Variants in PEG3 observed in about 807,000 individuals in gnomAD.
The protein encoded by PEG3 is paternally expressed 3.
In PEG3, 23 loss-of-function variants were observed where a neutral mutation model predicts 35.5. The ratio of observed to expected loss-of-function variants is 0.65; its 90% CI spans 0.47 to 0.92. PEG3 has a LOEUF of 0.92. Among genes scored for constraint, PEG3 ranks in the 40% least tolerant of loss-of-function variants. PEG3 has a pLI of 0.00. For synonymous variants in PEG3, 707 were observed against 697.0 expected, an observed-to-expected ratio of 1.01 and a Z score of -0.23; for missense variants, 1,960 against 1,985.3, an observed-to-expected ratio of 0.99 and a Z score of 0.24.
At chr19:56,825,656 C>T (rs183732896) in intron 3 of PEG3, among the ~76,000 whole-genome samples, 6 of 151,978 alleles carry the variant, frequency 3.9e-5, no homozygotes, top group Admixed American at 2.6e-4. Context: ...AATGACTGGT[C>T]AGCACATCTG....
At chr19:56,836,812 T>A (rs938628129) in intron 1 of PEG3, among the ~76,000 whole-genome samples, 4 of 151,744 alleles carry the variant, frequency 2.6e-5, no homozygotes, top group Admixed American at 2.6e-4. Context: ...CTACTAAAAA[T>A]ATAAAATTAG....
Position 56,811,975 on chromosome 19 carries a change from C to A in PEG3, c.*1700G>T, listed in dbSNP as rs1249312349. ...CTCTCAGCTCTACAATCTTCCTAAA[C>A]TTTGACACTCCCTGCATCTTTGACA... On this transcript the variant is annotated 3_prime_UTR_variant, in exon 10 of 10. Transcript: ENST00000326441. The A allele has an allele frequency of 4.1e-6, 4 of 985,292 alleles. No individual in the cohort carries two copies. The highest frequency in any genetic ancestry group is 4.8e-6 in the Non-Finnish European group (4 of 829,948). 61.0% of individuals were successfully genotyped at this position (985,292 alleles called of 1,614,324 possible).
chr19:56,821,533 G>A (rs1273902337), intron 7 of PEG3, 118 bp downstream of exon 7: 1 of 1,257,732 alleles, frequency 8.0e-7, no homozygotes, highest in East Asian at 2.3e-5. Flanking sequence ...TGGAGCGCTG[G>A]GACTCTCACC....
rs184629533 is a variant in PEG3, at chr19:56,813,759, C to T, written c.4683G>A (p.Glu1561=). Reference sequence around the variant, plus strand: ...CACAGACGTCACATTTGAAGTACTTCTCATCAGCTTGATTGGCACCACCTG... The same window carrying T: ...CACAGACGTCACATTTGAAGTACTTTTCATCAGCTTGATTGGCACCACCTG... ...TSTGGANQAD[E]KYFKCDVCGQ... The change falls in exon 10 of 10, where the codon GAG becomes GAA. Residue 1561 remains glutamate, a synonymous_variant. Transcript: ENST00000326441. 9 of 1,614,136 alleles carry T rather than the reference C, an allele frequency of 5.6e-6. No individual in the cohort carries two copies. The Admixed American group carries it at 1.3e-4, about 24-fold the overall frequency.
chr19:56,822,497 T>C (rs1214897107), intron 6 of PEG3: 24 of 9,508 alleles, frequency 2.5e-3, no homozygotes, highest in Middle Eastern at 0.033. Flanking sequence ...AAACTTCCAG[T>C]TTTTTTTTTT....
chr19:56,820,319 G>C (rs539166368), intron 7 of PEG3, among the ~76,000 whole-genome samples: 16 of 152,340 alleles, frequency 1.1e-4, no homozygotes, highest in African/African-American at 3.6e-4. Context: ...TGTGTCATTT[G>C]CTGCTGGTGT....
At position 56,812,442 on chromosome 19, in the gene PEG3, A is replaced by G. The variant is rs2059602436; in HGVS notation, c.*1233T>C. The G allele has an allele frequency of 1.0e-6, 1 of 984,196 alleles. No individual in the cohort carries two copies. Among genetic ancestry groups the G allele is most frequent in the Non-Finnish European group, 1.2e-6 (1 of 829,094 alleles). 61.0% of individuals were successfully genotyped at this position (984,196 alleles called of 1,614,324 possible). The stretch of plus-strand genomic sequence containing the variant: ...AATTTTTTTTTTTTTAATGCAAGTT[A>G]GACATGGAGTTAGAGGGTCAGATAA... On this transcript the variant is annotated 3_prime_UTR_variant, in exon 10 of 10. Transcript: ENST00000326441.
chr19:56,812,122 TA>T lies in PEG3; in HGVS notation c.*1552del. 1.0e-6 allele frequency: 1 copy of T among 965,550 alleles called. No individual in the cohort carries two copies. Among genetic ancestry groups the T allele is most frequent in the Non-Finnish European group, 1.2e-6 (1 of 811,830 alleles). 59.8% of individuals were successfully genotyped at this position (965,550 alleles called of 1,614,324 possible). On this transcript the variant is annotated 3_prime_UTR_variant, in exon 10 of 10. Transcript: ENST00000326441. ...CTTACATTTTGCAAATCTTTTTTTT[TA>T]AATTTTTTAAATTTTATATTTTTTT...
rs924966639 is a variant in PEG3 at position 56,810,409 on chromosome 19, A to T, written c.*3266T>A. The T allele has an allele frequency of 1.0e-6, 1 of 985,154 alleles. No individual in the cohort carries two copies. The highest frequency in any genetic ancestry group is 1.2e-6 in the Non-Finnish European group (1 of 829,796). 61.0% of individuals were successfully genotyped at this position (985,154 alleles called of 1,614,324 possible). A position where few individuals can be genotyped will look rare whatever the true frequency, so the allele number is the denominator to read the frequency against. ...ACCACACAACTATTTCTTGTTTTTC[A>T]TCTTTCTTCCCATCTTTGACATTTA... On this transcript the variant is annotated 3_prime_UTR_variant, in exon 10 of 10. Transcript: ENST00000326441.
chr19:56,821,567 T>C, intron 7 of PEG3, 84 bp downstream of exon 7: 1 of 1,549,400 alleles, frequency 6.5e-7, no homozygotes, highest in Non-Finnish European at 8.8e-7. Flanking sequence ...AGGGGGCAGA[T>C]AAACACACCA....
chr19:56,822,740 G>T lies in PEG3; in HGVS notation c.565+13C>A. The T allele has an allele frequency of 5.6e-6, 9 of 1,613,768 alleles. No homozygotes were observed. The highest frequency in any genetic ancestry group is 6.8e-6 in the Non-Finnish European group (8 of 1,179,890). On this transcript the variant is annotated intron_variant, in intron 6 of 9. Transcript: ENST00000326441. ...TATATCTCCTACTGGGAAAGAAAGT[G>T]GTTAAGACTCACTGCTTCTTGGGTT...
chr19:56,833,439 T>C (rs1455427472), intron 2 of PEG3: 3 of 331,148 alleles, frequency 9.1e-6, no homozygotes, highest in Non-Finnish European at 1.8e-5. Flanking sequence ...CGACATTCTC[T>C]ACTTCAGCAC....
In PEG3 at chr19:56,817,767, C is replaced by T. The variant is rs753065554; in HGVS notation, c.841G>A (p.Ala281Thr). 6.2e-7 allele frequency: 1 copy of T among 1,613,962 alleles called. No homozygotes were observed. Residue 281 changes from alanine to threonine, a missense_variant, in exon 9 of 10, where the codon GCC becomes ACC. Ala to Thr is a moderately conservative substitution (Grantham distance 58). Coordinates refer to ENST00000326441, the MANE Select transcript of PEG3 (RefSeq NM_006210.3). ...TTACCTCGACTGGTGCTTGGGTAGG[C>T]ACTTCTCTTGGATCTTGATGAGTGG... The part of the protein sequence containing the change: ...QGHSSRSKRS[A>T]YPSTSRGLKT...
intron 7 of PEG3, among the ~76,000 whole-genome samples, chr19:56,819,121 C>T (rs2060246028): frequency 6.6e-6 from 1 of 152,100 alleles, no homozygotes; most frequent in South Asian, 2.1e-4. Context: ...GAGATTATGA[C>T]ACATATAGAA....
Position 56,824,641 on chromosome 19 carries a change from C to G in PEG3, c.15G>C (p.Lys5Asn), listed in dbSNP as rs753766471. MLPP[K>N]HLSATKPKKS... ...TCTTAGGTTTGGTGGCAGACAAGTG[C>G]TTTGGAGGCAGCATTTCTCTAAGTA... Residue 5 changes from lysine (K) to asparagine (N), a missense_variant, in exon 4 of 10, where the codon AAG becomes AAC. Coordinates refer to ENST00000326441, the MANE Select transcript of PEG3 (RefSeq NM_006210.3). The G allele has an allele frequency of 6.3e-7, 1 of 1,597,136 alleles. No homozygotes were observed. Among genetic ancestry groups the G allele is most frequent in the East Asian group, 2.2e-5 (1 of 44,490 alleles).
chr19:56,817,265 G>T lies in PEG3; in HGVS notation c.1177C>A (p.Arg393Ser), dbSNP rs146466276. The T allele has an allele frequency of 1.2e-6, 2 of 1,613,880 alleles. No homozygotes were observed. The highest frequency in any genetic ancestry group is 1.7e-6 in the Non-Finnish European group (2 of 1,179,944). Residue 393 changes from arginine (R) to serine (S), a missense_variant, in exon 10 of 10, where the codon CGC becomes AGC. By Grantham distance (110) the Arg-to-Ser change is moderately radical. Around this residue, in one of 5 missense-constraint regions of PEG3, gnomAD observed 613 missense variants for 577.1 expected, o/e 1.06. Transcript: ENST00000326441. ...SRKRVLERKR[R>S]YHFDTDGKGS... ...TTCCCATCTGTGTCAAAATGATAGC[G>T]CCTCTTTCTTTCAAGAACTCTCTTT...
Position 56,816,198 on chromosome 19 carries a change from C to A in PEG3, c.2244G>T (p.Lys748Asn). The A allele has an allele frequency of 6.2e-7, 1 of 1,614,182 alleles. No individual in the cohort carries two copies. The highest frequency in any genetic ancestry group is 8.5e-7 in the Non-Finnish European group (1 of 1,180,026). The stretch of plus-strand genomic sequence containing the variant: ...AGGGGTTAGAGCTAATGGTGAACGC[C>A]TTTTCGTCCTCATCACTTTCAAGAG... Reference protein sequence around the residue: ...TRPLESDEDEKAFTISSNPYE... With the variant: ...TRPLESDEDENAFTISSNPYE... The change falls in exon 10 of 10, where the codon AAG (lysine) becomes AAT (asparagine). Residue 748 changes from lysine to asparagine, a missense_variant. Lys to Asn is a moderately conservative substitution (Grantham distance 94, BLOSUM62 0). Transcript: ENST00000326441.
At position 56,816,429 on chromosome 19, in the gene PEG3, G is replaced by A; in HGVS notation, c.2013C>T (p.Ser671=). 6.2e-7 allele frequency: 1 copy of A among 1,613,914 alleles called. No individual in the cohort carries two copies. The highest frequency in any genetic ancestry group is 8.5e-7 in the Non-Finnish European group (1 of 1,179,890). Residue 671 remains serine, a synonymous_variant, in exon 10 of 10, where the codon TCC becomes TCT. Coordinates refer to ENST00000326441, the MANE Select transcript of PEG3 (RefSeq NM_006210.3). ...TGTAAGTTTTCTGACGCCTTTTAAG[G>A]GACTGACCAGGAATAAAGGTTTCCT... ...VCEETFIPGQ[S]LKRRQKTYNK...
intron 2 of PEG3, among the ~76,000 whole-genome samples, chr19:56,827,380 T>C (rs1232235008): frequency 6.6e-6 from 1 of 152,134 alleles, no homozygotes; most frequent in African/African-American, 2.4e-5. Flanking sequence ...TAGAAGCCAT[T>C]GAAAAATGGA....
Sources: gnomAD v4.1 joint callset for allele counts (sites outside exome capture counted in the v4.1 genomes callset) on GRCh38, gnomAD v4.1.1 for gene constraint, gnomAD v4.1.1 regional missense constraint, MANE v1.5 for transcripts, NCBI Gene and HGNC (gene_info 2026-07-23, HGNC 2026-07-21) for gene names.